PCDHAC1: variants seen among roughly 807,000 people sequenced by gnomAD.
The protein encoded by PCDHAC1 is protocadherin alpha subfamily C, 1, also known as protocadherin alpha-C1.
In PCDHAC1, 42 loss-of-function variants were observed where a neutral mutation model predicts 60.0. That is an observed-to-expected ratio of 0.70 (90% CI 0.55 to 0.90). The LOEUF (loss-of-function observed/expected upper bound fraction) is 0.90, where lower values mean the gene tolerates loss of function less well. Ranked by LOEUF, PCDHAC1 falls within the 40% of genes least tolerant of loss-of-function variation. The pLI is 0.00. For synonymous variants in PCDHAC1, 468 were observed against 499.3 expected (o/e 0.94, Z 0.84); for missense variants, 1,160 against 1,222.3 (o/e 0.95, Z 0.76).
intron 3 of PCDHAC1, among the ~76,000 whole-genome samples, chr5:140,994,021 G>A (rs1160447092): frequency 6.6e-6 from 1 of 152,140 alleles, no homozygotes; most frequent in Non-Finnish European, 1.5e-5. Context: ...AGGTGATGCA[G>A]ATATAATATT....
At chr5:140,941,347 T>G (rs246069) in intron 1 of PCDHAC1, among the ~76,000 whole-genome samples, 2 of 130,422 alleles carry the variant, frequency 1.5e-5, no homozygotes, top group African/African-American at 5.9e-5. Context: ...GATGGAGTCT[T>G]GCTCTGTTGC....
At position 140,926,692 on chromosome 5, in the gene PCDHAC1, C is replaced by T; in HGVS notation, c.-201C>T. Reference sequence around the variant, plus strand: ...CTGCCCAGCCTCCAGCCTAGCAAGCCCGGCTCCCAGCTGGCCAGCCCCGGC... The same window carrying T: ...CTGCCCAGCCTCCAGCCTAGCAAGCTCGGCTCCCAGCTGGCCAGCCCCGGC... On this transcript the variant is annotated 5_prime_UTR_variant, in exon 1 of 4. Transcript: ENST00000253807. The T allele has an allele frequency of 1.4e-6, 1 of 737,896 alleles. No individual in the cohort carries two copies. Among genetic ancestry groups the T allele is most frequent in the Non-Finnish European group, 2.0e-6 (1 of 505,752 alleles). 45.7% of individuals were successfully genotyped at this position (737,896 alleles called of 1,614,324 possible).
In PCDHAC1 at chr5:140,928,671, T is replaced by C; in HGVS notation, c.1779T>C (p.Asn593=). ...CAGAGGATGCTGACAGTGGTTCTAA[T>C]GCCTGGCTTTCCTACCACATCTCCC... ...VVAEDADSGS[N]AWLSYHISRA... The change falls in exon 1 of 4, where the codon AAT becomes AAC. Residue 593 remains asparagine (N), a synonymous_variant. Coordinates refer to ENST00000253807, the MANE Select transcript of PCDHAC1 (RefSeq NM_018898.5). 4.3e-6 allele frequency: 7 copies of C among 1,614,214 alleles called. No homozygotes were observed. Among genetic ancestry groups the C allele is most frequent in the Non-Finnish European group, 5.9e-6 (7 of 1,180,042 alleles).
At chr5:140,970,146 C>A (rs1408492600) in intron 1 of PCDHAC1, among the ~76,000 whole-genome samples, 3 of 152,156 alleles carry the variant, frequency 2.0e-5, no homozygotes, top group Admixed American at 6.5e-5. Context: ...AAAAAGAATT[C>A]TCCCAATAGT....
chr5:140,968,307 A>G (rs1554230602), intron 1 of PCDHAC1: 1 of 1,613,964 alleles, frequency 6.2e-7, no homozygotes, highest in South Asian at 1.1e-5. Context: ...AGGGAGATTC[A>G]AGGGCTGCCA....
chr5:141,004,346 G>C (rs2098162740), intron 3 of PCDHAC1, among the ~76,000 whole-genome samples: 1 of 152,212 alleles, frequency 6.6e-6, no homozygotes, highest in Non-Finnish European at 1.5e-5. Context: ...GTCTGTGAGG[G>C]ACTGGAGAGA....
chr5:140,961,982 C>T (rs1367678374), intron 1 of PCDHAC1, among the ~76,000 whole-genome samples: 2 of 151,650 alleles, frequency 1.3e-5, no homozygotes, highest in African/African-American at 4.9e-5. Context: ...CTCCTGGGTT[C>T]ACGCCATTGT....
intron 3 of PCDHAC1, among the ~76,000 whole-genome samples, chr5:141,003,897 T>G (rs1554259369): frequency 6.6e-6 from 1 of 152,132 alleles, no homozygotes; most frequent in Non-Finnish European, 1.5e-5. Flanking sequence ...ACAGGCCCAT[T>G]CATTTGGGTC....
At position 141,003,456 on chromosome 5, in the gene PCDHAC1, C is replaced by T. The variant is rs187279966; in HGVS notation, c.2582-6171C>T. Among the ~76,000 whole-genome samples the T allele has an allele frequency of 1.2e-3, 188 of 152,136 alleles. 1 individual carries two copies. The highest frequency in any genetic ancestry group is 4.1e-3 in the African/African-American group (172 of 41,508). On this transcript the variant is annotated intron_variant, in intron 3 of 3. Transcript: ENST00000253807. ...CCTCCCAAGTAGATGAAATTACAGGCGTGCACCACCACAGTCTCGCTAATT... is the reference window on the plus strand; with the variant it reads ...CCTCCCAAGTAGATGAAATTACAGGTGTGCACCACCACAGTCTCGCTAATT...
In PCDHAC1 at chr5:141,010,039, T is replaced by G. The variant is rs2098415843; in HGVS notation, c.*102T>G. ...TCCTTTTTCCTATCTACATGAGCCCTCTTAGAGACCTCAGAAATCTGCAGA... is the reference window on the plus strand; with the variant it reads ...TCCTTTTTCCTATCTACATGAGCCCGCTTAGAGACCTCAGAAATCTGCAGA... On this transcript the variant is annotated 3_prime_UTR_variant, in exon 4 of 4. Coordinates refer to ENST00000253807, the MANE Select transcript of PCDHAC1 (RefSeq NM_018898.5). The G allele has an allele frequency of 1.4e-5, 23 of 1,593,158 alleles. No homozygotes were observed. Among genetic ancestry groups the G allele is most frequent in the Non-Finnish European group, 1.8e-5 (21 of 1,170,616 alleles).
intron 1 of PCDHAC1, among the ~76,000 whole-genome samples, chr5:140,944,291 G>T (rs155813): frequency 6.6e-6 from 1 of 151,928 alleles, no homozygotes; most frequent in African/African-American, 2.4e-5. Flanking sequence ...GGGCTCAAGC[G>T]ATCCTCCTAC....
At chr5:140,949,203 T>C (rs879971307) in intron 1 of PCDHAC1, among the ~76,000 whole-genome samples, 13 of 151,790 alleles carry the variant, frequency 8.6e-5, no homozygotes, top group East Asian at 1.9e-4. Flanking sequence ...TTCAGTCTTT[T>C]AAAAATCTGT....
rs139607260 is a variant in PCDHAC1, at chr5:140,954,243, A to C, written c.2434-24706A>C. ...TATTGTGAATAGTGCTGCAATGAAC[A>C]TACACATGCAGGTATCTTTATAATA... On this transcript the variant is annotated intron_variant, in intron 1 of 3. Transcript: ENST00000253807. Among the ~76,000 whole-genome samples the C allele has an allele frequency of 3.2e-4, 49 of 152,350 alleles. No individual in the cohort carries two copies. In the East Asian group the frequency reaches 9.1e-3, roughly 28 times the overall value.
intron 3 of PCDHAC1, among the ~76,000 whole-genome samples, chr5:140,991,829 G>A (rs530610195): frequency 3.3e-5 from 5 of 152,196 alleles, no homozygotes; most frequent in South Asian, 2.1e-4. Flanking sequence ...CATTTATAAC[G>A]GCAGAACCGC....
chr5:140,969,040 A>G (rs1554231380), intron 1 of PCDHAC1: 1 of 1,614,150 alleles, frequency 6.2e-7, no homozygotes. Context: ...AACTGTACAA[A>G]CAAGCCAACA....
chr5:140,965,591 C>T (rs1440117062), intron 1 of PCDHAC1, among the ~76,000 whole-genome samples: 1 of 151,692 alleles, frequency 6.6e-6, no homozygotes, highest in Non-Finnish European at 1.5e-5. Context: ...AATGGTTTTG[C>T]AGACTCTTGA....
intron 3 of PCDHAC1, among the ~76,000 whole-genome samples, chr5:140,990,637 C>A (rs2097404568): frequency 6.6e-6 from 1 of 152,154 alleles, no homozygotes; most frequent in South Asian, 2.1e-4. Flanking sequence ...AGACTAGAAG[C>A]CTCAGCCAGT....
chr5:140,982,696 A>G lies in PCDHAC1; in HGVS notation c.2581+133A>G. ...GTTATTCCCTTTTTTCCATACATAC[A>G]TGATTTCCTTACATATATGATTATT... On this transcript the variant is annotated intron_variant, in intron 3 of 3. Transcript: ENST00000253807. 2.9e-6 allele frequency: 4 copies of G among 1,397,036 alleles called. No individual in the cohort carries two copies. The East Asian group carries it at 7.6e-5, about 27-fold the overall frequency. 86.5% of individuals were successfully genotyped at this position (1,397,036 alleles called of 1,614,324 possible). A position where few individuals can be genotyped will look rare whatever the true frequency, so the allele number is the denominator to read the frequency against.
intron 3 of PCDHAC1, among the ~76,000 whole-genome samples, chr5:140,986,365 C>T (rs530102099): frequency 2.0e-5 from 3 of 152,194 alleles, no homozygotes; most frequent in Non-Finnish European, 2.9e-5. Flanking sequence ...TGGAGGAATG[C>T]GTTTTGGGGG....
Sources: gnomAD v4.1 joint callset for allele counts (sites outside exome capture counted in the v4.1 genomes callset) on GRCh38, gnomAD v4.1.1 for gene constraint, MANE v1.5 for transcripts, NCBI Gene and HGNC (gene_info 2026-07-23, HGNC 2026-07-21) for gene names.